Variants in DSE observed in about 807,000 individuals in gnomAD.
DSE encodes the protein dermatan sulfate epimerase.
DSE carries 36 observed loss-of-function variants against 84.4 expected under a neutral mutation model. That is an observed-to-expected ratio of 0.43 (90% CI 0.33 to 0.56). The LOEUF (loss-of-function observed/expected upper bound fraction) is 0.56, where lower values mean the gene tolerates loss of function less well. DSE is among the 20% of genes least tolerant of loss of function. DSE has a pLI of 0.06. For synonymous variants in DSE, 410 were observed against 430.1 expected, an observed-to-expected ratio of 0.95 and a Z score of 0.58; for missense variants, 862 against 1,169.6, an observed-to-expected ratio of 0.74 and a Z score of 3.84.
At chr6:116,432,678 A>G (rs1280720308) in intron 4 of DSE, 3 of 131,076 alleles carry the variant, frequency 2.3e-5, no homozygotes, top group Non-Finnish European at 3.3e-5. Context: ...TGAGTTTTCT[A>G]TCTTGCTGCT....
At chr6:116,304,057 A>C (rs1343887944) in intron 2 of DSE, among the ~76,000 whole-genome samples, 1 of 151,130 alleles carries the variant, frequency 6.6e-6, no homozygotes, top group East Asian at 1.9e-4. Flanking sequence ...AATGAGGTGG[A>C]GCCTGCAGTG....
intron 2 of DSE, among the ~76,000 whole-genome samples, chr6:116,316,784 T>C (rs1162928136): frequency 6.6e-6 from 1 of 151,122 alleles, no homozygotes; most frequent in South Asian, 2.1e-4. Context: ...TTAAGCTTCT[T>C]CTTCTTTTTG....
At position 116,431,125 on chromosome 6, in the gene DSE, A is replaced by G. The variant is rs781057586; in HGVS notation, c.842A>G (p.Asn281Ser). ...QYMFLVQRHFNINHFGHPWLK... is the reference protein window; with the variant it reads ...QYMFLVQRHFSINHFGHPWLK... Reference sequence around the variant, plus strand: ...ATGTTTCTCGTCCAGAGGCACTTCAACATCAACCACTTTGGCCATCCGTGG... The same window carrying G: ...ATGTTTCTCGTCCAGAGGCACTTCAGCATCAACCACTTTGGCCATCCGTGG... The change falls in exon 4 of 6, where the codon AAC becomes AGC. Residue 281 changes from asparagine to serine, a missense_variant. Around this residue, in one of 4 missense-constraint regions of DSE, gnomAD observed 309 missense variants for 516.9 expected, o/e 0.60. Coordinates refer to ENST00000644252, the MANE Select transcript of DSE (RefSeq NM_013352.4). 4.2e-5 allele frequency: 67 copies of G among 1,614,098 alleles called. No individual in the cohort carries two copies. The Admixed American group carries it at 6.7e-4, about 16-fold the overall frequency.
At chr6:116,286,195 G>A (rs189043385) in intron 2 of DSE, among the ~76,000 whole-genome samples, 4 of 151,870 alleles carry the variant, frequency 2.6e-5, no homozygotes, top group Admixed American at 6.6e-5. Context: ...CTTTTATTTC[G>A]TTGAGCAGTG....
intron 2 of DSE, among the ~76,000 whole-genome samples, chr6:116,343,005 C>T: frequency 6.6e-6 from 1 of 152,228 alleles, no homozygotes; most frequent in Non-Finnish European, 1.5e-5. Flanking sequence ...ATATCCTGTG[C>T]CTGGCTCCGA....
chr6:116,351,884 T>G (rs577678852), intron 2 of DSE, among the ~76,000 whole-genome samples: 1 of 152,338 alleles, frequency 6.6e-6, no homozygotes, highest in African/African-American at 2.4e-5. Context: ...TAAGGAATAT[T>G]TATCCCAACT....
intron 2 of DSE, among the ~76,000 whole-genome samples, chr6:116,419,336 G>A (rs1427120808): frequency 2.6e-5 from 4 of 152,128 alleles, no homozygotes; most frequent in African/African-American, 9.7e-5. Context: ...TTAAAATGGA[G>A]GGAAAAAAGA....
intron 2 of DSE, among the ~76,000 whole-genome samples, chr6:116,269,736 T>C (rs1772802043): frequency 6.6e-6 from 1 of 152,150 alleles, no homozygotes; most frequent in Non-Finnish European, 1.5e-5. Flanking sequence ...TAAAATATAT[T>C]AAGAAAAAAC....
At chr6:116,421,433 C>CTGTATATACATATATA (rs1783065562) in intron 2 of DSE, among the ~76,000 whole-genome samples, 1 of 93,436 alleles carries the variant, frequency 1.1e-5, no homozygotes, top group African/African-American at 4.8e-5. Context: ...GAAAAAATAA[C>CTGTATATACATATATA]TATATATACA....
intron 1 of DSE, among the ~76,000 whole-genome samples, chr6:116,374,303 T>TA (rs1167775345): frequency 6.6e-6 from 1 of 152,066 alleles, no homozygotes; most frequent in African/African-American, 2.4e-5. Context: ...CTTCCCCAAA[T>TA]AAAAAAAGAG....
At chr6:116,340,848 G>A (rs532138166) in intron 2 of DSE, among the ~76,000 whole-genome samples, 129 of 152,168 alleles carry the variant, frequency 8.5e-4, no homozygotes, top group African/African-American at 2.9e-3. Context: ...ATAGTATTCC[G>A]TGGTGTATAT....
At position 116,363,854 on chromosome 6, in the gene DSE, G is replaced by A. The variant is rs577319090; in HGVS notation, c.-53-35344G>A. On this transcript the variant is annotated intron_variant, in intron 2 of 3. Coordinates refer to the DSE transcript ENST00000430252. ...CTGATATTTTGTTAATGGAGCAAAT[G>A]AATCTACATTTTTTCATAAATTGCC... 3.3e-5 allele frequency among the ~76,000 whole-genome samples: 5 copies of A among 152,274 alleles called. No individual in the cohort carries two copies. The South Asian group carries it at 8.3e-4, about 25-fold the overall frequency.
chr6:116,301,407 T>C (rs555786969), intron 2 of DSE, among the ~76,000 whole-genome samples: 1 of 152,318 alleles, frequency 6.6e-6, no homozygotes, highest in South Asian at 2.1e-4. Flanking sequence ...TTCCGTCTGC[T>C]CAGAGTCATG....
intron 2 of DSE, among the ~76,000 whole-genome samples, chr6:116,297,504 C>A (rs1176890823): frequency 1.3e-5 from 2 of 152,150 alleles, no homozygotes; most frequent in Non-Finnish European, 2.9e-5. Context: ...GAAATGCAAT[C>A]TGAAACACTA....
intron 2 of DSE, among the ~76,000 whole-genome samples, chr6:116,299,551 T>TATATATATATACACAC (rs1554209343): frequency 3.7e-5 from 2 of 53,676 alleles, no homozygotes; most frequent in Non-Finnish European, 5.9e-5. Flanking sequence ...TATATATATA[T>TATATATATATACACAC]ACACATACAC....
At chr6:116,386,754 G>C (rs965763770) in intron 1 of DSE, among the ~76,000 whole-genome samples, 3 of 152,224 alleles carry the variant, frequency 2.0e-5, no homozygotes, top group Non-Finnish European at 2.9e-5. Flanking sequence ...TTATCAGGCA[G>C]AATATTCCAA....
intron 2 of DSE, among the ~76,000 whole-genome samples, chr6:116,356,423 T>C (rs1778572836): frequency 6.6e-6 from 1 of 152,188 alleles, no homozygotes; most frequent in African/African-American, 2.4e-5. Flanking sequence ...CCATAATGTT[T>C]TGGACATAGG....
In DSE at chr6:116,415,040, C is replaced by A. The variant is rs1219600310; in HGVS notation, c.417-11534C>A. The stretch of plus-strand genomic sequence containing the variant: ...GTCTGCTGTACAGCCATCTTTGTTC[C>A]TTTTTCTCTTGAATTGGATTCCTTG... On this transcript the variant is annotated intron_variant, in intron 2 of 5. Transcript: ENST00000644252. 2.0e-5 allele frequency among the ~76,000 whole-genome samples: 3 copies of A among 152,278 alleles called. No individual in the cohort carries two copies. In the East Asian group the frequency reaches 5.8e-4, roughly 29 times the overall value.
At chr6:116,279,909 C>A in intron 2 of DSE, 1 of 1,584,942 alleles carries the variant, frequency 6.3e-7, no homozygotes, top group East Asian at 2.2e-5. Context: ...GCCGCTCGCA[C>A]CGCCCACCCT....
Sources: allele counts gnomAD v4.1 joint callset (sites outside exome capture counted in the v4.1 genomes callset), GRCh38; gene constraint gnomAD v4.1.1; regional missense constraint gnomAD v4.1.1; transcripts MANE v1.5; gene names NCBI Gene and HGNC (gene_info 2026-07-23, HGNC 2026-07-21).